Variants in ASB15 observed in about 807,000 individuals in gnomAD.
ASB15 encodes the protein ankyrin repeat and SOCS box protein 15.
Under a neutral mutation model 58.0 loss-of-function variants are expected in ASB15, and 54 were observed. The ratio of observed to expected loss-of-function variants is 0.93; its 90% CI spans 0.75 to 1.17. ASB15 has a LOEUF of 1.17. Ranked by LOEUF, ASB15 falls within the 50% of genes most tolerant of loss-of-function variation. The probability of loss-of-function intolerance (pLI) is 0.00; values close to 1 mark genes in which losing one functional copy is unlikely to be tolerated. For missense variants in ASB15, 680 were observed against 707.4 expected (o/e 0.96, Z 0.44); for synonymous variants, 249 against 262.4 (o/e 0.95, Z 0.50).
chr7:123,637,878 T>TAAAAAAAAAAAAAAACAAAA lies in ASB15; in HGVS notation c.*912_*913insCAAAAAAAAAAAAAAAAAAA, dbSNP rs1802500874. 3 of 52,464 alleles carry TAAAAAAAAAAAAAAACAAAA rather than the reference T, an allele frequency of 5.7e-5. No homozygotes were observed. Among genetic ancestry groups the TAAAAAAAAAAAAAAACAAAA allele is most frequent in the South Asian group, 1.4e-3 (1 of 738 alleles). The allele number at this position is 52,464 out of a possible 1,614,324, so 3.2% of individuals were successfully genotyped here. ...AAATTCAACATGTCCCCAGATGAAC[T>TAAAAAAAAAAAAAAACAAAA]AAAAAAAAAAAAAAAAAAAAAACCT... On this transcript the variant is annotated 3_prime_UTR_variant, in exon 12 of 12. Coordinates refer to ENST00000451215, the MANE Select transcript of ASB15 (RefSeq NM_001290258.2).
chr7:123,582,440 A>G (rs1272900796), intron 1 of ASB15, among the ~76,000 whole-genome samples: 1 of 151,992 alleles, frequency 6.6e-6, no homozygotes, highest in Non-Finnish European at 1.5e-5. Flanking sequence ...AATAAAATAA[A>G]GCCCCAAATT....
chr7:123,634,180 C>T (rs1802290940), intron 11 of ASB15, among the ~76,000 whole-genome samples: 1 of 152,094 alleles, frequency 6.6e-6, no homozygotes, highest in Non-Finnish European at 1.5e-5. Context: ...AGCTATTCTT[C>T]CTGATGCTCA....
chr7:123,629,394 T>C lies in ASB15; in HGVS notation c.1400T>C (p.Val467Ala). 6.2e-7 allele frequency: 1 copy of C among 1,613,242 alleles called. No individual in the cohort carries two copies. The highest frequency in any genetic ancestry group is 8.5e-7 in the Non-Finnish European group (1 of 1,179,908). Residue 467 changes from valine (V) to alanine (A), a missense_variant, in exon 10 of 12, where the codon GTG (valine) becomes GCG (alanine). Transcript: ENST00000451215. Reference sequence around the variant, plus strand: ...GTGTGGTCAGAGATACAGGAAGAGGTGCTGCCAGGATGGACATCTTGTGTA... The same window carrying C: ...GTGTGGTCAGAGATACAGGAAGAGGCGCTGCCAGGATGGACATCTTGTGTA... ...SFVWSEIQEE[V>A]LPGWTSCVIK...
At chr7:123,599,468 G>C (rs1799803749), upstream of ASB15, among the ~76,000 whole-genome samples, 1 of 152,168 alleles carries the variant, frequency 6.6e-6, no homozygotes, top group African/African-American at 2.4e-5. Flanking sequence ...AGCAAGAGCT[G>C]TTTTTTAAAA....
upstream of ASB15, among the ~76,000 whole-genome samples, chr7:123,597,408 T>G (rs1384281500): frequency 1.3e-5 from 2 of 152,226 alleles, no homozygotes; most frequent in Non-Finnish European, 2.9e-5. Context: ...GTATTGTTGT[T>G]AATTGCTTAC....
At chr7:123,603,670 A>G (rs1799999071) in intron 1 of ASB15, among the ~76,000 whole-genome samples, 1 of 152,214 alleles carries the variant, frequency 6.6e-6, no homozygotes, top group Non-Finnish European at 1.5e-5. Flanking sequence ...AAATAAAACA[A>G]TACTTGGAGA....
chr7:123,613,807 A>C (rs1374533107), intron 3 of ASB15, among the ~76,000 whole-genome samples: 1 of 152,154 alleles, frequency 6.6e-6, no homozygotes, highest in Non-Finnish European at 1.5e-5. Context: ...GCACTTTGGG[A>C]GGCTGAGGTG....
chr7:123,596,603 C>G (rs1157512628), intron 1 of ASB15, among the ~76,000 whole-genome samples: 4 of 151,558 alleles, frequency 2.6e-5, no homozygotes, highest in Non-Finnish European at 5.9e-5. Context: ...CAGAGGGAGA[C>G]CCTGTCTCAA....
At chr7:123,586,469 T>C (rs1271741849) in intron 1 of ASB15, among the ~76,000 whole-genome samples, 1 of 151,794 alleles carries the variant, frequency 6.6e-6, no homozygotes, top group Non-Finnish European at 1.5e-5. Flanking sequence ...TTATATATTT[T>C]GGATATATGT....
intron 1 of ASB15, among the ~76,000 whole-genome samples, chr7:123,569,770 G>C (rs1798855703): frequency 6.6e-6 from 1 of 151,970 alleles, no homozygotes; most frequent in Non-Finnish European, 1.5e-5. Flanking sequence ...GGTGGTTGCA[G>C]GGGACATGTA....
At chr7:123,590,370 C>T (rs999602892) in intron 1 of ASB15, among the ~76,000 whole-genome samples, 3 of 151,980 alleles carry the variant, frequency 2.0e-5, no homozygotes, top group Non-Finnish European at 4.4e-5. Flanking sequence ...CATTGCTTTT[C>T]GTGTTTTAGT....
In ASB15 at chr7:123,616,261, G is replaced by C; in HGVS notation, c.148G>C (p.Ala50Pro). The C allele has an allele frequency of 1.9e-6, 3 of 1,610,034 alleles. No homozygotes were observed. Among genetic ancestry groups the C allele is most frequent in the Non-Finnish European group, 2.5e-6 (3 of 1,176,506 alleles). ...TGCTCAAAACAGAAAACTTGTGGAGGCCATAAAACAAGGTAAATGGGTGTA... is the reference window on the plus strand; with the variant it reads ...TGCTCAAAACAGAAAACTTGTGGAGCCCATAAAACAAGGTAAATGGGTGTA... The part of the protein sequence containing the change: ...LSAQNRKLVE[A>P]IKQGHIPELQ... Residue 50 changes from alanine (A) to proline (P), a missense_variant, in exon 5 of 12, where the codon GCC becomes CCC. Coordinates refer to ENST00000451215, the MANE Select transcript of ASB15 (RefSeq NM_001290258.2).
At chr7:123,581,433 G>T (rs1311423113) in intron 1 of ASB15, among the ~76,000 whole-genome samples, 3 of 119,484 alleles carry the variant, frequency 2.5e-5, no homozygotes, top group Admixed American at 1.6e-4. Flanking sequence ...AAAAAAAAAA[G>T]GTACTCTCCA....
chr7:123,636,181 T>TCTAA (rs1802418713), intron 11 of ASB15, among the ~76,000 whole-genome samples: 1 of 152,208 alleles, frequency 6.6e-6, no homozygotes, highest in Non-Finnish European at 1.5e-5. Context: ...AGAGTGCACA[T>TCTAA]CTAAGCCTGA....
chr7:123,627,411 G>T, intron 9 of ASB15, 130 bp downstream of exon 9: 1 of 673,928 alleles, frequency 1.5e-6, no homozygotes, highest in Non-Finnish European at 2.2e-6. Flanking sequence ...AGGTTTTGAT[G>T]CTCCAAATTT....
At chr7:123,573,454 G>C (rs368749530) in intron 1 of ASB15, among the ~76,000 whole-genome samples, 9 of 151,890 alleles carry the variant, frequency 5.9e-5, no homozygotes, top group African/African-American at 2.2e-4. Context: ...TTTATTTCTT[G>C]TCTTGGGGCC....
At chr7:123,632,991 A>C (rs1004705223) in intron 11 of ASB15, among the ~76,000 whole-genome samples, 3 of 152,232 alleles carry the variant, frequency 2.0e-5, no homozygotes, top group Admixed American at 6.5e-5. Context: ...AATGTGAGGC[A>C]AGGATGCTTA....
At position 123,637,025 on chromosome 7, in the gene ASB15, A is replaced by G. The variant is rs573120652; in HGVS notation, c.*44A>G. The G allele has an allele frequency of 7.7e-7, 1 of 1,306,198 alleles. No individual in the cohort carries two copies. Among genetic ancestry groups the G allele is most frequent in the South Asian group, 1.4e-5 (1 of 72,462 alleles). The allele number at this position is 1,306,198 out of a possible 1,614,324, so 80.9% of individuals were successfully genotyped here. On this transcript the variant is annotated 3_prime_UTR_variant, in exon 12 of 12. Coordinates refer to ENST00000451215, the MANE Select transcript of ASB15 (RefSeq NM_001290258.2). Reference sequence around the variant, plus strand: ...GATTTAAAAAAAATGTTGAAATGTGATTCCCTCAGATAATTTCTTGTAACC... The same window carrying G: ...GATTTAAAAAAAATGTTGAAATGTGGTTCCCTCAGATAATTTCTTGTAACC...
At chr7:123,608,367 T>A (rs1800252367) in intron 2 of ASB15, among the ~76,000 whole-genome samples, 1 of 152,212 alleles carries the variant, frequency 6.6e-6, no homozygotes, top group South Asian at 2.1e-4. Context: ...AATGCTGAGT[T>A]TTTATCCCAT....
Sources: allele counts gnomAD v4.1 joint callset (sites outside exome capture counted in the v4.1 genomes callset), GRCh38; gene constraint gnomAD v4.1.1; transcripts MANE v1.5; gene names NCBI Gene and HGNC (gene_info 2026-07-23, HGNC 2026-07-21).